Variants in RPE observed in about 807,000 individuals in gnomAD.
The protein encoded by RPE is ribulose-phosphate 3-epimerase.
A neutral mutation model predicts 24.6 loss-of-function variants in RPE; 16 were observed. The observed-to-expected ratio is 0.65, with a 90% CI of 0.44 to 0.99. The LOEUF (loss-of-function observed/expected upper bound fraction) is 0.99, where lower values mean the gene tolerates loss of function less well. Among genes scored for constraint, RPE ranks in the 50% least tolerant of loss-of-function variants. The pLI is 0.00. For synonymous variants in RPE, 93 were observed against 98.4 expected, an observed-to-expected ratio of 0.94 and a Z score of 0.33; for missense variants, 240 against 294.5, an observed-to-expected ratio of 0.81 and a Z score of 1.35.
chr2:210,005,144 T>G (rs1325646680), intron 1 of RPE, among the ~76,000 whole-genome samples: 1 of 152,160 alleles, frequency 6.6e-6, no homozygotes, highest in Non-Finnish European at 1.5e-5. Flanking sequence ...CTACGTGATG[T>G]GCTGTGGTGT....
rs1269797965 is a variant in RPE, at chr2:210,021,622, T to A, written c.*1831T>A. ...ATTTTTTACCCCTTAAAAGGACTAG[T>A]ATAATTTCCAATCTCTAACAAAAAC... On this transcript the variant is annotated 3_prime_UTR_variant, in exon 6 of 6. Coordinates refer to ENST00000359429, the MANE Select transcript of RPE (RefSeq NM_199229.3). The A allele has an allele frequency of 6.6e-6, 1 of 152,544 alleles. No individual in the cohort carries two copies. The highest frequency in any genetic ancestry group is 1.5e-5 in the Non-Finnish European group (1 of 67,978). 9.4% of individuals were successfully genotyped at this position (152,544 alleles called of 1,614,324 possible).
Position 210,021,738 on chromosome 2 carries a change from AAG to A in RPE, c.*1948_*1949del, listed in dbSNP as rs2125101054. 1.3e-5 allele frequency: 2 copies of A among 152,386 alleles called. No individual in the cohort carries two copies. Among genetic ancestry groups the A allele is most frequent in the East Asian group, 3.9e-4 (2 of 5,184 alleles). 9.4% of individuals were successfully genotyped at this position (152,386 alleles called of 1,614,324 possible). A position where few individuals can be genotyped will look rare whatever the true frequency, so the allele number is the denominator to read the frequency against. ...TGAGTAACCTTTTTTACATGACAAA[AAG>A]TGAGTTATATAAATTGTCCTCAACT... On this transcript the variant is annotated 3_prime_UTR_variant, in exon 6 of 6. Transcript: ENST00000359429.
At chr2:210,018,607 G>A in intron 5 of RPE, 1 of 985,222 alleles carries the variant, frequency 1.0e-6, no homozygotes, top group Non-Finnish European at 1.2e-6. Flanking sequence ...TTATGCAGGA[G>A]GGGCTGGCCA....
chr2:210,018,002 C>T, intron 5 of RPE: 1 of 794,264 alleles, frequency 1.3e-6, no homozygotes, highest in Non-Finnish European at 1.9e-6. Flanking sequence ...GCCTCGGCCT[C>T]CCAAAGTGTT....
rs1018666729 is a variant in RPE, at chr2:210,022,104, C to T, written c.*2313C>T. On this transcript the variant is annotated 3_prime_UTR_variant, in exon 6 of 6. Coordinates refer to ENST00000359429, the MANE Select transcript of RPE (RefSeq NM_199229.3). The stretch of plus-strand genomic sequence containing the variant: ...TCATGAGACACATTAATTGGTAAAA[C>T]TCAAATTGAGTTTTCAAAGATGTGA... 1 of 149,116 alleles carries T rather than the reference C, an allele frequency of 6.7e-6. No individual in the cohort carries two copies. Among genetic ancestry groups the T allele is most frequent in the Non-Finnish European group, 1.5e-5 (1 of 67,582 alleles). 9.2% of individuals were successfully genotyped at this position (149,116 alleles called of 1,614,324 possible). A position where few individuals can be genotyped will look rare whatever the true frequency, so the allele number is the denominator to read the frequency against.
chr2:210,007,764 T>C (rs1383025128), intron 1 of RPE, among the ~76,000 whole-genome samples: 1 of 152,250 alleles, frequency 6.6e-6, no homozygotes, highest in Non-Finnish European at 1.5e-5. Context: ...CTGCCTGTTA[T>C]TGTATAGCTT....
rs189153276 is a variant in RPE at position 210,020,566 on chromosome 2, T to C, written c.*775T>C. ...TCACCCAATCTTTTTTGTGTTTCTC[T>C]AAAGTCATTTATACATTAAATGTAA... On this transcript the variant is annotated 3_prime_UTR_variant, in exon 6 of 6. Coordinates refer to ENST00000359429, the MANE Select transcript of RPE (RefSeq NM_199229.3). 9.0e-5 allele frequency: 15 copies of C among 167,078 alleles called. No homozygotes were observed. In the Admixed American group the frequency reaches 9.1e-4, roughly 10 times the overall value. The allele number at this position is 167,078 out of a possible 1,614,324, so 10.3% of individuals were successfully genotyped here.
chr2:210,009,495 C>G, intron 1 of RPE, 162 bp from the exon 2 acceptor site: 1 of 927,138 alleles, frequency 1.1e-6, no homozygotes, highest in Non-Finnish European at 1.6e-6. Context: ...CTAGTAAAAC[C>G]AAAATGACCC....
intron 2 of RPE, among the ~76,000 whole-genome samples, chr2:210,014,368 C>CA (rs2093742037): frequency 1.3e-5 from 2 of 152,266 alleles, no homozygotes; most frequent in African/African-American, 4.8e-5. Context: ...GGGTTACAGG[C>CA]GTGAGCCACC....
intron 3 of RPE, 134 bp from the exon 4 acceptor site, chr2:210,016,373 A>C: frequency 6.4e-7 from 1 of 1,562,090 alleles, no homozygotes; most frequent in African/African-American, 1.4e-5. Context: ...CTGCTTGTTG[A>C]AAATACTTAC....
At chr2:210,016,243 C>CA (rs764255143) in intron 3 of RPE, 131 bp downstream of exon 3, 2 of 1,614,048 alleles carry the variant, frequency 1.2e-6, no homozygotes, top group Non-Finnish European at 8.5e-7. Flanking sequence ...GTGGCACAGT[C>CA]AGGGCCCATT....
rs759448866 is a variant in RPE at position 210,002,654 on chromosome 2, C to T, written c.-8C>T. The T allele has an allele frequency of 6.2e-7, 1 of 1,611,430 alleles. No individual in the cohort carries two copies. The highest frequency in any genetic ancestry group is 1.3e-5 in the African/African-American group (1 of 74,988). On this transcript the variant is annotated 5_prime_UTR_variant, in exon 1 of 6. Coordinates refer to ENST00000359429, the MANE Select transcript of RPE (RefSeq NM_199229.3). ...CTCGTGGGTAACTTGCTTTTGGGAG[C>T]CAGCGGTATGGCGTCGGGCTGCAAG...
At chr2:210,005,888 C>T (rs187186718) in intron 1 of RPE, among the ~76,000 whole-genome samples, 1 of 152,300 alleles carries the variant, frequency 6.6e-6, no homozygotes, top group African/African-American at 2.4e-5. Flanking sequence ...TAATCCTCCT[C>T]TTACCATCTT....
rs767218337 is a variant in RPE at position 210,002,720 on chromosome 2, G to A, written c.59G>A (p.Gly20Glu). Residue 20 changes from glycine (G) to glutamate (E), a missense_variant, in exon 1 of 6, where the codon GGG becomes GAG. Coordinates refer to ENST00000359429, the MANE Select transcript of RPE (RefSeq NM_199229.3). Reference sequence around the variant, plus strand: ...CTCAACAGCGACCTGGCCAATTTAGGGGCCGAGTGCCTCCGGATGCTAGAC... The same window carrying A: ...CTCAACAGCGACCTGGCCAATTTAGAGGCCGAGTGCCTCCGGATGCTAGAC... ...SILNSDLANL[G>E]AECLRMLDSG... 3.1e-6 allele frequency: 5 copies of A among 1,614,088 alleles called. No homozygotes were observed. The Admixed American group carries it at 8.3e-5, about 27-fold the overall frequency.
At chr2:210,009,819 C>T in intron 2 of RPE, 83 bp downstream of exon 2, 2 of 1,569,946 alleles carry the variant, frequency 1.3e-6, no homozygotes, top group Non-Finnish European at 1.8e-6. Context: ...CTTCCAAGTT[C>T]ATCTGGCACC....
intron 2 of RPE, among the ~76,000 whole-genome samples, chr2:210,011,520 A>G (rs1397549563): frequency 6.6e-6 from 1 of 152,102 alleles, no homozygotes; most frequent in African/African-American, 2.4e-5. Flanking sequence ...TGCTGCCACC[A>G]CACACAATCT....
At chr2:210,002,864 C>T in intron 1 of RPE, 81 bp downstream of exon 1, 1 of 1,609,928 alleles carries the variant, frequency 6.2e-7, no homozygotes, top group Non-Finnish European at 8.5e-7. Context: ...GTTGGATGTA[C>T]CGCGTCCCTG....
At chr2:210,012,153 T>TA (rs372124186) in intron 2 of RPE, among the ~76,000 whole-genome samples, 4 of 152,190 alleles carry the variant, frequency 2.6e-5, no homozygotes, top group African/African-American at 9.7e-5. Flanking sequence ...GTCTAAGAAA[T>TA]ACAGTGATGG....
intron 5 of RPE, chr2:210,018,431 G>T (rs2093809644): frequency 1.0e-6 from 1 of 982,548 alleles, no homozygotes; most frequent in African/African-American, 1.8e-5. Flanking sequence ...GTCTAGCATA[G>T]TCAGGCTCCT....
Sources: gnomAD v4.1 joint callset for allele counts (sites outside exome capture counted in the v4.1 genomes callset) on GRCh38, gnomAD v4.1.1 for gene constraint, MANE v1.5 for transcripts, NCBI Gene and HGNC (gene_info 2026-07-23, HGNC 2026-07-21) for gene names.